The following VIT variants were observed in gnomAD, a reference collection of about 807,000 sequenced individuals.
The protein encoded by VIT is vitrin.
A neutral mutation model predicts 78.0 loss-of-function variants in VIT; 99 were observed. That is an observed-to-expected ratio of 1.27 (90% CI 1.08 to 1.50). The LOEUF is 1.50. Among genes scored for constraint, VIT ranks in the 40% most tolerant of loss-of-function variants. The probability of loss-of-function intolerance (pLI) is 0.00; values close to 1 mark genes in which losing one functional copy is unlikely to be tolerated. For synonymous variants in VIT, 374 were observed against 334.3 expected (o/e 1.12, Z -1.29); for missense variants, 1,126 against 875.3 (o/e 1.29, Z -3.61).
chr2:36,710,619 T>TA (rs11481326), intron 1 of VIT, among the ~76,000 whole-genome samples: 102,114 of 151,950 alleles, frequency 0.67, 34,777 homozygotes, highest in African/African-American at 0.8. Flanking sequence ...GTACAGTTTC[T>TA]GATGCAGTGT....
intron 4 of VIT, among the ~76,000 whole-genome samples, chr2:36,750,741 A>G (rs1668409876): frequency 6.6e-6 from 1 of 151,912 alleles, no homozygotes; most frequent in Non-Finnish European, 1.5e-5. Flanking sequence ...GAATCGCTTG[A>G]ACCTGGGAGG....
At chr2:36,789,501 G>A (rs1665337757) in intron 12 of VIT, among the ~76,000 whole-genome samples, 1 of 152,200 alleles carries the variant, frequency 6.6e-6, no homozygotes, top group Non-Finnish European at 1.5e-5. Context: ...ACCATCCGTG[G>A]AGCGTGGGAA....
intron 2 of VIT, among the ~76,000 whole-genome samples, chr2:36,721,534 A>G (rs1202353619): frequency 6.6e-6 from 1 of 152,016 alleles, no homozygotes; most frequent in African/African-American, 2.4e-5. Context: ...CTTAAAGCCC[A>G]CATCTGACCT....
intron 6 of VIT, among the ~76,000 whole-genome samples, chr2:36,762,445 T>C (rs1669181405): frequency 6.6e-6 from 1 of 152,168 alleles, no homozygotes. Flanking sequence ...ATCTCCTACG[T>C]GCAAGACCCT....
chr2:36,717,693 G>A (rs1487552681), intron 2 of VIT, among the ~76,000 whole-genome samples: 3 of 152,180 alleles, frequency 2.0e-5, no homozygotes, highest in Non-Finnish European at 4.4e-5. Flanking sequence ...TGGCCCCACT[G>A]TGCCTTATCA....
At chr2:36,717,139 T>C (rs1666195921) in intron 2 of VIT, among the ~76,000 whole-genome samples, 1 of 151,364 alleles carries the variant, frequency 6.6e-6, no homozygotes, top group South Asian at 2.1e-4. Flanking sequence ...CCTCCCAAAG[T>C]GCTGGGATTA....
intron 12 of VIT, among the ~76,000 whole-genome samples, chr2:36,800,760 A>G (rs938089826): frequency 6.6e-6 from 1 of 152,142 alleles, no homozygotes; most frequent in Non-Finnish European, 1.5e-5. Flanking sequence ...CTTCAGCAAA[A>G]TAGATGTTGA....
intron 7 of VIT, among the ~76,000 whole-genome samples, chr2:36,770,655 G>A (rs951947632): frequency 6.6e-6 from 1 of 152,168 alleles, no homozygotes. Context: ...GGGGGAAGCC[G>A]GGAGAGCCAG....
chr2:36,765,743 G>T (rs901417154), intron 6 of VIT, among the ~76,000 whole-genome samples: 1 of 152,246 alleles, frequency 6.6e-6, no homozygotes, highest in Non-Finnish European at 1.5e-5. Context: ...AGCAGAAGAG[G>T]CAAGACACAG....
chr2:36,801,144 C>T lies in VIT; in HGVS notation c.1059-157C>T, dbSNP rs1200075985. Among the ~76,000 whole-genome samples, 8 of 152,348 alleles carry T rather than the reference C, an allele frequency of 5.3e-5. No homozygotes were observed. In the East Asian group the frequency reaches 1.2e-3, roughly 22 times the overall value. ...GAGCCTTGAAATAGCCTCCTTTTCTCTACACACACCAGTCCACAATGGGAC... is the reference window on the plus strand; with the variant it reads ...GAGCCTTGAAATAGCCTCCTTTTCTTTACACACACCAGTCCACAATGGGAC... On this transcript the variant is annotated intron_variant, in intron 12 of 15. Transcript: ENST00000379242.
At chr2:36,705,731 T>C (rs1368900615) in intron 1 of VIT, among the ~76,000 whole-genome samples, 3 of 152,224 alleles carry the variant, frequency 2.0e-5, no homozygotes, top group Non-Finnish European at 4.4e-5. Flanking sequence ...ACATAGAATA[T>C]TTATGGGAAG....
chr2:36,730,732 G>A lies in VIT; in HGVS notation c.118+1241G>A, dbSNP rs989737267. Among the ~76,000 whole-genome samples, 3 of 152,218 alleles carry A rather than the reference G, an allele frequency of 2.0e-5. No individual in the cohort carries two copies. The East Asian group carries it at 5.8e-4, about 29-fold the overall frequency. On this transcript the variant is annotated intron_variant, in intron 3 of 15. Transcript: ENST00000379242. ...GAGGATAAGCTGGACATTGAAGGGT[G>A]AGGAGGGCTGAGACGAATTTTATCG...
At position 36,808,394 on chromosome 2, in the gene VIT, C is replaced by A. The variant is rs549682776; in HGVS notation, c.1390-78C>A. The stretch of plus-strand genomic sequence containing the variant: ...AGGGCCTGCTTGCTTCTTCACCTGC[C>A]CCGGGGGATCAAGCCTAATGGTGAC... On this transcript the variant is annotated intron_variant, in intron 14 of 15. Transcript: ENST00000379242. 1.2e-4 allele frequency: 175 copies of A among 1,504,102 alleles called. No individual in the cohort carries two copies. The African/African-American group carries it at 2.1e-3, about 18-fold the overall frequency. The allele number at this position is 1,504,102 out of a possible 1,614,324, so 93.2% of individuals were successfully genotyped here.
Position 36,776,849 on chromosome 2 carries a change from G to A in VIT, c.802+1782G>A, listed in dbSNP as rs1200664659. On this transcript the variant is annotated intron_variant, in intron 9 of 15. Transcript: ENST00000379242. ...CTCACACCTGTATCCCAGCACTTTG[G>A]GAGGCCAAGGAGGGCAGATCACGAG... Among the ~76,000 whole-genome samples the A allele has an allele frequency of 2.8e-4, 43 of 151,866 alleles. 1 individual carries two copies. The highest frequency in any genetic ancestry group is 2.9e-5 in the Non-Finnish European group (2 of 67,956).
rs528455275 is a variant in VIT at position 36,805,616 on chromosome 2, T to A, written c.1341T>A (p.Ala447=). 1 of 1,614,158 alleles carries A rather than the reference T, an allele frequency of 6.2e-7. No individual in the cohort carries two copies. Among genetic ancestry groups the A allele is most frequent in the East Asian group, 2.2e-5 (1 of 44,878 alleles). The change falls in exon 14 of 16, where the codon GCT becomes GCA. Residue 447 remains alanine (A), a synonymous_variant. Coordinates refer to ENST00000379242, the MANE Select transcript of VIT (RefSeq NM_053276.4). ...INIFFITIEG[A]AENEKQYVVE... is the part of the protein sequence containing the mutation. ...TTTTCTTCATCACCATTGAAGGTGC[T>A]GCTGAAAATGAGAAGCAGTATGTGG...
intron 7 of VIT, among the ~76,000 whole-genome samples, chr2:36,772,738 C>T (rs756121030): frequency 1.3e-5 from 2 of 152,136 alleles, no homozygotes; most frequent in Non-Finnish European, 2.9e-5. Context: ...AACAAAGAAA[C>T]CTACTTTGAA....
At chr2:36,729,185 T>G (rs539222857) in intron 2 of VIT, among the ~76,000 whole-genome samples, 143 of 152,314 alleles carry the variant, frequency 9.4e-4, no homozygotes, top group African/African-American at 3.2e-3. Context: ...CAGCCTAGGT[T>G]TGTAGTAGAC....
Position 36,749,725 on chromosome 2 carries a change from G to T in VIT, c.276-5196G>T, listed in dbSNP as rs6741009. On this transcript the variant is annotated intron_variant, in intron 4 of 15. Transcript: ENST00000379242. ...CCAGGACAGCTTTGAGATGTGACTC[G>T]GGAGTCGATACTTGGCTACTGGATG... 7.8e-3 allele frequency among the ~76,000 whole-genome samples: 1,187 copies of T among 152,292 alleles called. 16 individuals are homozygous for T. The highest frequency in any genetic ancestry group is 0.027 in the African/African-American group (1,133 of 41,554).
intron 2 of VIT, among the ~76,000 whole-genome samples, chr2:36,720,140 A>C (rs1323524849): frequency 6.6e-6 from 1 of 152,176 alleles, no homozygotes; most frequent in Non-Finnish European, 1.5e-5. Flanking sequence ...TTGGAAAAAA[A>C]ATTCTAAATT....
Sources: allele counts gnomAD v4.1 joint callset (sites outside exome capture counted in the v4.1 genomes callset), GRCh38; gene constraint gnomAD v4.1.1; transcripts MANE v1.5; gene names NCBI Gene and HGNC (gene_info 2026-07-23, HGNC 2026-07-21).